The following ADGRG6 variants were observed in gnomAD, a reference collection of about 807,000 sequenced individuals.
The protein encoded by ADGRG6 is adhesion G protein-coupled receptor G6.
Under a neutral mutation model 142.4 loss-of-function variants are expected in ADGRG6, and 84 were observed. The observed-to-expected ratio is 0.59, with a 90% CI of 0.49 to 0.71. The LOEUF (loss-of-function observed/expected upper bound fraction) is 0.71, where lower values mean the gene tolerates loss of function less well. Ranked by LOEUF, ADGRG6 falls within the 30% of genes least tolerant of loss-of-function variation. The pLI, the probability that ADGRG6 is intolerant of heterozygous loss-of-function variation, is 0.00. For synonymous variants in ADGRG6, 521 were observed against 520.5 expected, an observed-to-expected ratio of 1.00 and a Z score of -0.01; for missense variants, 1,367 against 1,466.6, an observed-to-expected ratio of 0.93 and a Z score of 1.11.
chr6:142,368,108 A>C (rs1781043191), intron 3 of ADGRG6, among the ~76,000 whole-genome samples, 198 bp downstream of exon 3: 1 of 152,260 alleles, frequency 6.6e-6, no homozygotes, highest in South Asian at 2.1e-4. Flanking sequence ...AAATGTGGTT[A>C]CAGTAGAGTT....
chr6:142,309,679 T>A, intron 2 of ADGRG6, 35 bp downstream of exon 2: 2 of 1,316,778 alleles, frequency 1.5e-6, no homozygotes, highest in Non-Finnish European at 2.2e-6. Context: ...TGGAATTTAA[T>A]CATGATGACA....
chr6:142,407,190 AG>A (rs1554251760), intron 15 of ADGRG6, among the ~76,000 whole-genome samples: 1 of 149,878 alleles, frequency 6.7e-6, no homozygotes, highest in Non-Finnish European at 1.5e-5. Flanking sequence ...AAAAAAAAAA[AG>A]GAAGCATATG....
intron 22 of ADGRG6, among the ~76,000 whole-genome samples, chr6:142,422,281 A>G (rs574898890): frequency 5.9e-5 from 9 of 152,184 alleles, no homozygotes; most frequent in Admixed American, 5.9e-4. Flanking sequence ...GTCATCTAGC[A>G]TTAGGTATAT....
At chr6:142,355,276 A>G (rs915230413) in intron 2 of ADGRG6, among the ~76,000 whole-genome samples, 1 of 152,084 alleles carries the variant, frequency 6.6e-6, no homozygotes, top group Admixed American at 6.5e-5. Context: ...ACTGGGGCTC[A>G]GTCTTCCCAG....
chr6:142,399,225 G>A (rs558067224), intron 10 of ADGRG6, among the ~76,000 whole-genome samples: 3 of 152,200 alleles, frequency 2.0e-5, no homozygotes, highest in African/African-American at 2.4e-5. Flanking sequence ...GGGCGATTGC[G>A]ACCAAGGCCA....
Sources: gnomAD v4.1 joint callset for allele counts (sites outside exome capture counted in the v4.1 genomes callset) on GRCh38, gnomAD v4.1.1 for gene constraint, MANE v1.5 for transcripts, NCBI Gene and HGNC (gene_info 2026-07-23, HGNC 2026-07-21) for gene names.